The following PHLDB2 variants were observed in gnomAD, a reference collection of about 807,000 sequenced individuals.
PHLDB2 encodes pleckstrin homology like domain family B member 2, also known as pleckstrin homology-like domain family B member 2.
In PHLDB2, 71 loss-of-function variants were observed where a neutral mutation model predicts 123.6. That is an observed-to-expected ratio of 0.57 (90% confidence interval 0.47 to 0.70). The LOEUF is 0.70. PHLDB2 is among the 30% of genes least tolerant of loss of function. PHLDB2 has a pLI of 0.00. For missense variants in PHLDB2, 1,446 were observed against 1,519.5 expected (o/e 0.95, Z 0.80); for synonymous variants, 547 against 541.6 (o/e 1.01, Z -0.14).
intron 4 of PHLDB2, among the ~76,000 whole-genome samples, chr3:111,919,481 C>T (rs563754043): frequency 4.6e-5 from 7 of 152,136 alleles, no homozygotes; most frequent in East Asian, 1.9e-4. Context: ...TAAACTAGTA[C>T]GTGCTTTCTG....
intron 2 of PHLDB2, among the ~76,000 whole-genome samples, chr3:111,847,013 G>A (rs1056039642): frequency 6.6e-6 from 1 of 152,330 alleles, no homozygotes; most frequent in Non-Finnish European, 1.5e-5. Context: ...TGTGACTCAT[G>A]TGAATAACTG....
chr3:111,768,659 T>A (rs1195761949), intron 1 of PHLDB2, among the ~76,000 whole-genome samples: 1 of 152,106 alleles, frequency 6.6e-6, no homozygotes. Context: ...AATATTTGAA[T>A]CACTGCCATA....
At chr3:111,909,666 A>G (rs2107490059) in intron 2 of PHLDB2, among the ~76,000 whole-genome samples, 1 of 152,150 alleles carries the variant, frequency 6.6e-6, no homozygotes, top group Middle Eastern at 3.4e-3. Context: ...ACGTTACTAG[A>G]CAATAAGTAA....
intron 4 of PHLDB2, among the ~76,000 whole-genome samples, chr3:111,919,667 G>A (rs1034962935): frequency 1.3e-5 from 2 of 152,260 alleles, no homozygotes; most frequent in Admixed American, 1.3e-4. Context: ...TTGGAAACCA[G>A]GGGGAAGCAG....
intron 5 of PHLDB2, among the ~76,000 whole-genome samples, chr3:111,929,054 G>T (rs1465508188): frequency 6.6e-6 from 1 of 152,194 alleles, no homozygotes; most frequent in East Asian, 1.9e-4. Flanking sequence ...TTGAGCCCAT[G>T]AGTTCAAGAC....
At chr3:111,908,861 T>C (rs990864091) in intron 2 of PHLDB2, among the ~76,000 whole-genome samples, 4 of 133,960 alleles carry the variant, frequency 3.0e-5, no homozygotes, top group Non-Finnish European at 6.6e-5. Flanking sequence ...CTGGGAAGTC[T>C]GCATACCTGC....
At chr3:111,964,964 C>G (rs1025020562) in intron 13 of PHLDB2, among the ~76,000 whole-genome samples, 2 of 152,098 alleles carry the variant, frequency 1.3e-5, no homozygotes, top group African/African-American at 4.8e-5. Flanking sequence ...TATTTGATGT[C>G]ACAAACTACA....
At chr3:111,855,024 G>A (rs749678407), upstream of PHLDB2, among the ~76,000 whole-genome samples, 24 of 152,108 alleles carry the variant, frequency 1.6e-4, no homozygotes, top group Non-Finnish European at 3.1e-4. Context: ...AGTAGATAAA[G>A]TACAAATCTT....
At chr3:111,816,128 A>G (rs1011309396) in intron 1 of PHLDB2, among the ~76,000 whole-genome samples, 2 of 152,238 alleles carry the variant, frequency 1.3e-5, no homozygotes, top group African/African-American at 4.8e-5. Context: ...ATGCCCATGC[A>G]GAAGTTTGCT....
At chr3:111,945,863 A>T (rs1411280636) in intron 9 of PHLDB2, among the ~76,000 whole-genome samples, 1 of 151,974 alleles carries the variant, frequency 6.6e-6, no homozygotes, top group Non-Finnish European at 1.5e-5. Context: ...TCTAAACTGG[A>T]AAGTCCTATT....
intron 1 of PHLDB2, among the ~76,000 whole-genome samples, chr3:111,750,924 C>T (rs1042913326): frequency 2.0e-4 from 28 of 142,016 alleles, no homozygotes; most frequent in African/African-American, 2.7e-5. Context: ...CCAGCCTGGG[C>T]GACAGAGTGT....
intron 5 of PHLDB2, among the ~76,000 whole-genome samples, chr3:111,931,069 T>C (rs1048924500): frequency 1.3e-5 from 2 of 152,206 alleles, no homozygotes; most frequent in Non-Finnish European, 1.5e-5. Context: ...GTAAGGATAA[T>C]GTCATAGGAC....
chr3:111,778,037 G>A (rs1019090577), intron 1 of PHLDB2, among the ~76,000 whole-genome samples: 8 of 151,962 alleles, frequency 5.3e-5, no homozygotes, highest in East Asian at 1.9e-4. Context: ...ACATTTCATC[G>A]CACAATCAAC....
intron 1 of PHLDB2, among the ~76,000 whole-genome samples, chr3:111,828,372 T>G (rs1035972765): frequency 6.6e-6 from 1 of 152,240 alleles, no homozygotes; most frequent in Non-Finnish European, 1.5e-5. Flanking sequence ...ACTTCCAGTC[T>G]ATCTGTCAAT....
chr3:111,932,727 T>C (rs1442007717), intron 6 of PHLDB2, among the ~76,000 whole-genome samples: 1 of 152,216 alleles, frequency 6.6e-6, no homozygotes, highest in African/African-American at 2.4e-5. Context: ...TCCCCTGCAT[T>C]CTCTGCTGCA....
intron 1 of PHLDB2, among the ~76,000 whole-genome samples, chr3:111,819,465 T>G (rs1373765387): frequency 6.6e-6 from 1 of 152,236 alleles, no homozygotes; most frequent in African/African-American, 2.4e-5. Context: ...GCATCTTTAA[T>G]TCATGGCAAA....
rs780315916 is a variant in PHLDB2 at position 111,885,349 on chromosome 3, C to T, written c.1272C>T (p.Asp424=). The stretch of plus-strand genomic sequence containing the variant: ...TTAGCTCCATTTCAGGACGTGATGA[C>T]CTGATGGATTATCACCGGCGGCAGA... ...SSISSISGRD[D]LMDYHRRQRE... is the part of the protein sequence containing the mutation. Residue 424 remains aspartate, a synonymous_variant, in exon 2 of 18, where the codon GAC becomes GAT. Transcript: ENST00000431670. 31 of 1,614,016 alleles carry T rather than the reference C, an allele frequency of 1.9e-5. No homozygotes were observed. Among genetic ancestry groups the T allele is most frequent in the African/African-American group, 2.7e-5 (2 of 74,916 alleles).
chr3:111,912,258 C>T (rs189577054), intron 2 of PHLDB2, among the ~76,000 whole-genome samples: 5 of 152,278 alleles, frequency 3.3e-5, no homozygotes, highest in Non-Finnish European at 5.9e-5. Context: ...TCCTGTTGCT[C>T]ACAAACTGTA....
intron 1 of PHLDB2, among the ~76,000 whole-genome samples, chr3:111,761,338 G>T (rs1372415235): frequency 6.6e-6 from 1 of 152,142 alleles, no homozygotes; most frequent in Non-Finnish European, 1.5e-5. Flanking sequence ...TGGGAAATGA[G>T]CAAGTGGTTC....
Sources: gnomAD v4.1 joint callset for allele counts (sites outside exome capture counted in the v4.1 genomes callset) on GRCh38, gnomAD v4.1.1 for gene constraint, MANE v1.5 for transcripts, NCBI Gene and HGNC (gene_info 2026-07-23, HGNC 2026-07-21) for gene names.